The following NFIA variants were observed in gnomAD, a reference collection of about 807,000 sequenced individuals.
NFIA encodes the protein nuclear factor 1 A-type.
NFIA carries 8 observed loss-of-function variants against 62.8 expected under a neutral mutation model. The observed-to-expected ratio is 0.13, with a 90% CI of 0.07 to 0.23. The LOEUF is 0.23. Ranked by LOEUF, NFIA falls within the 10% of genes least tolerant of loss-of-function variation. NFIA has a pLI of 1.00. For missense variants in NFIA, 410 were observed against 642.1 expected (o/e 0.64, Z 3.91); for synonymous variants, 235 against 238.1 (o/e 0.99, Z 0.12).
chr1:61,439,970 A>C (rs1382109968), intron 10 of NFIA, among the ~76,000 whole-genome samples: 1 of 152,188 alleles, frequency 6.6e-6, no homozygotes, highest in African/African-American at 2.4e-5. Context: ...CCCTAACATA[A>C]ATCCTGTGTG....
intron 5 of NFIA, among the ~76,000 whole-genome samples, chr1:61,356,153 T>A (rs1373306735): frequency 2.0e-5 from 3 of 152,194 alleles, no homozygotes; most frequent in African/African-American, 7.2e-5. Flanking sequence ...TGTTTCTAAG[T>A]CAGTAGCCCA....
At chr1:61,105,533 C>T (rs986293362) in intron 2 of NFIA, among the ~76,000 whole-genome samples, 9 of 151,694 alleles carry the variant, frequency 5.9e-5, no homozygotes, top group African/African-American at 1.2e-4. Context: ...TTGTGGTGCT[C>T]GTCTTTTTCT....
chr1:61,361,503 T>C (rs9436638), intron 6 of NFIA, among the ~76,000 whole-genome samples: 21,214 of 150,866 alleles, frequency 0.14, 2,351 homozygotes, highest in African/African-American at 0.31. Context: ...TTTTTGTGCA[T>C]ATTGAAGCTG....
intron 6 of NFIA, among the ~76,000 whole-genome samples, chr1:61,377,365 CTG>C (rs566758208): frequency 9.9e-4 from 151 of 152,294 alleles, no homozygotes; most frequent in African/African-American, 3.5e-3. Context: ...GATTTAATCT[CTG>C]TAGCTGCCTC....
At chr1:61,373,752 C>T (rs918687954) in intron 6 of NFIA, among the ~76,000 whole-genome samples, 8 of 151,548 alleles carry the variant, frequency 5.3e-5, no homozygotes, top group African/African-American at 1.9e-4. Context: ...ATTTTTTTCC[C>T]ATTATACAGT....
intron 2 of NFIA, among the ~76,000 whole-genome samples, chr1:61,209,306 C>G (rs1324233977): frequency 6.6e-6 from 1 of 152,060 alleles, no homozygotes; most frequent in Admixed American, 6.5e-5. Flanking sequence ...CAGATTTGCT[C>G]TTCTGGAAGC....
At chr1:61,127,042 G>A (rs551996838) in intron 2 of NFIA, among the ~76,000 whole-genome samples, 5 of 150,094 alleles carry the variant, frequency 3.3e-5, no homozygotes, top group African/African-American at 9.8e-5. Context: ...TGCCTGCCTC[G>A]GCTTCCCAAA....
At chr1:61,356,410 G>A (rs1157526566) in intron 5 of NFIA, among the ~76,000 whole-genome samples, 1 of 152,142 alleles carries the variant, frequency 6.6e-6, no homozygotes, top group Non-Finnish European at 1.5e-5. Context: ...GTAGAAAGAG[G>A]CCAGAAACCA....
chr1:61,363,598 C>A (rs1663419460), intron 6 of NFIA, among the ~76,000 whole-genome samples: 1 of 95,332 alleles, frequency 1.0e-5, no homozygotes, highest in Admixed American at 1.2e-4. Flanking sequence ...GAGCAAAACT[C>A]CGTCAAAAAA....
chr1:61,330,438 C>A (rs868397082), intron 3 of NFIA, among the ~76,000 whole-genome samples: 48 of 77,602 alleles, frequency 6.2e-4, no homozygotes, highest in African/African-American at 2.0e-3. Flanking sequence ...ATAGATACAC[C>A]CCCCCCACAC....
chr1:61,405,501 T>C (rs1665772280), intron 8 of NFIA, among the ~76,000 whole-genome samples: 1 of 152,166 alleles, frequency 6.6e-6, no homozygotes, highest in Non-Finnish European at 1.5e-5. Context: ...TAAGCTTAAA[T>C]GTAAAAGCCT....
At chr1:61,282,290 C>G (rs1658183872) in intron 3 of NFIA, among the ~76,000 whole-genome samples, 2 of 152,148 alleles carry the variant, frequency 1.3e-5, no homozygotes, top group South Asian at 4.1e-4. Flanking sequence ...GTTCCTAGCT[C>G]TGATTGGTAT....
chr1:61,359,231 A>G lies in NFIA; in HGVS notation c.903A>G (p.Pro301=). 3 of 1,612,820 alleles carry G rather than the reference A, an allele frequency of 1.9e-6. No homozygotes were observed. The highest frequency in any genetic ancestry group is 2.5e-6 in the Non-Finnish European group (3 of 1,179,990). Reference sequence around the variant, plus strand: ...TTTATACAGGCCAAGGGCGCTCCCCAGGAAGTGGCAGTCAGTCAAGTGGAT... The same window carrying G: ...TTTATACAGGCCAAGGGCGCTCCCCGGGAAGTGGCAGTCAGTCAAGTGGAT... The part of the protein sequence containing the change: ...EPFYTGQGRS[P]GSGSQSSGWH... Residue 301 remains proline, a synonymous_variant, in exon 6 of 11, where the codon CCA becomes CCG. Transcript: ENST00000403491.
At chr1:61,294,896 G>T (rs930217830) in intron 3 of NFIA, among the ~76,000 whole-genome samples, 4 of 152,142 alleles carry the variant, frequency 2.6e-5, no homozygotes, top group Non-Finnish European at 5.9e-5. Context: ...AGTCTATCTC[G>T]ATATTCAGTA....
chr1:61,301,572 A>G (rs1015944951), intron 3 of NFIA, among the ~76,000 whole-genome samples: 3 of 152,232 alleles, frequency 2.0e-5, no homozygotes, highest in Non-Finnish European at 2.9e-5. Context: ...TCCTGAATAT[A>G]GGAAAAGCAA....
chr1:61,088,326 C>G lies in NFIA; in HGVS notation c.205C>G (p.Gln69Glu). 6.2e-7 allele frequency: 1 copy of G among 1,613,176 alleles called. No homozygotes were observed. Residue 69 changes from glutamine (Q) to glutamate (E), a missense_variant, in exon 2 of 11, where the codon CAG becomes GAG. Physicochemically the swap from Gln to Glu is conservative, Grantham distance 29. Coordinates refer to ENST00000403491, the MANE Select transcript of NFIA (RefSeq NM_001134673.4). This position sits in a 1 kb window ranked among gnomAD's most constrained non-coding sequence, Gnocchi z 4.5. ...GCTAAGTGAAAAACCAGAGGTCAAG[C>G]AGAAGTGGGCATCTCGACTTCTGGC... ...ELLSEKPEVK[Q>E]KWASRLLAKL... is the part of the protein sequence containing the mutation.
intron 9 of NFIA, among the ~76,000 whole-genome samples, chr1:61,409,927 A>G (rs1376968851): frequency 6.6e-6 from 1 of 152,214 alleles, no homozygotes; most frequent in Non-Finnish European, 1.5e-5. Context: ...ATGGAAGGGA[A>G]TAAATATCAG....
At chr1:61,191,434 T>C (rs1210840804) in intron 2 of NFIA, among the ~76,000 whole-genome samples, 1 of 152,104 alleles carries the variant, frequency 6.6e-6, no homozygotes, top group Non-Finnish European at 1.5e-5. Context: ...GTTCCACCAA[T>C]TCTGTTTGTC....
chr1:61,080,964 C>T (rs1646087387), upstream of NFIA, among the ~76,000 whole-genome samples: 1 of 151,570 alleles, frequency 6.6e-6, no homozygotes, highest in Non-Finnish European at 1.5e-5. Context: ...TAACACATCA[C>T]TCACCCTCAC....
Sources: allele counts gnomAD v4.1 joint callset (sites outside exome capture counted in the v4.1 genomes callset), GRCh38; gene constraint gnomAD v4.1.1; non-coding constraint Gnocchi (gnomAD v3.1); transcripts MANE v1.5; gene names NCBI Gene and HGNC (gene_info 2026-07-23, HGNC 2026-07-21).